The following GZF1 variants were observed in gnomAD, a reference collection of about 807,000 sequenced individuals.
GZF1 encodes the protein GDNF inducible zinc finger protein 1.
Under a neutral mutation model 49.4 loss-of-function variants are expected in GZF1, and 28 were observed. The observed-to-expected ratio is 0.57, with a 90% CI of 0.42 to 0.78. The LOEUF (loss-of-function observed/expected upper bound fraction) is 0.78. Among genes scored for constraint, GZF1 ranks in the 30% least tolerant of loss-of-function variants. GZF1 has a pLI of 0.00. For missense variants in GZF1, 798 were observed against 916.2 expected (o/e 0.87, Z 1.67); for synonymous variants, 364 against 356.0 (o/e 1.02, Z -0.25).
In GZF1 at chr20:23,370,569, T is replaced by C. The variant is rs896427683; in HGVS notation, c.*128T>C. 4 of 677,652 alleles carry C rather than the reference T, an allele frequency of 5.9e-6. No homozygotes were observed. The African/African-American group carries it at 7.3e-5, about 12-fold the overall frequency. The allele number at this position is 677,652 out of a possible 1,614,324, so 42.0% of individuals were successfully genotyped here. ...CAAGAATGGCCTCTGCAGATTTTCCTGAACTTCTGCTAACTTGCACGGCTT... is the reference window on the plus strand; with the variant it reads ...CAAGAATGGCCTCTGCAGATTTTCCCGAACTTCTGCTAACTTGCACGGCTT... On this transcript the variant is annotated 3_prime_UTR_variant, in exon 6 of 6. Transcript: ENST00000338121.
intron 3 of GZF1, 152 bp from the exon 4 acceptor site, chr20:23,368,610 T>A: frequency 2.2e-6 from 1 of 453,282 alleles, no homozygotes; most frequent in Non-Finnish European, 3.9e-6. Context: ...CTTACATGAA[T>A]ATATATTTTA....
chr20:23,369,567 C>A lies in GZF1; in HGVS notation c.1628-17C>A. 1 of 1,597,708 alleles carries A rather than the reference C, an allele frequency of 6.3e-7. No homozygotes were observed. Among genetic ancestry groups the A allele is most frequent in the Non-Finnish European group, 8.5e-7 (1 of 1,170,798 alleles). On this transcript the variant is annotated splice_polypyrimidine_tract_variant and intron_variant, in intron 4 of 5. Transcript: ENST00000338121. ...GCCAAAGGGACCCACCAGCAGTCTC[C>A]TCTCTCCCTGCCTCAGGGGAGCGTC...
intron 1 of GZF1, 43 bp from the exon 2 acceptor site, chr20:23,364,320 C>T: frequency 8.5e-7 from 1 of 1,176,052 alleles, no homozygotes; most frequent in South Asian, 1.5e-5. Context: ...AGTCCTTTTG[C>T]ATCAGTGGTT....
At position 23,370,143 on chromosome 20, in the gene GZF1, C is replaced by T. The variant is rs567808876; in HGVS notation, c.1838C>T (p.Ser613Leu). 37 of 1,614,184 alleles carry T rather than the reference C, an allele frequency of 2.3e-5. No homozygotes were observed. The highest frequency in any genetic ancestry group is 3.3e-4 in the Middle Eastern group (2 of 6,062). Residue 613 changes from serine (S) to leucine (L), a missense_variant, in exon 6 of 6, where the codon TCG (serine) becomes TTG (leucine). This residue lies in a region of GZF1 where 446 missense variants were observed against 540.1 expected (regional missense o/e 0.83). Transcript: ENST00000338121. ...WKSFLVIVDGSPKNDDGHKTE... is the reference protein window; with the variant it reads ...WKSFLVIVDGLPKNDDGHKTE... ...TCTTTCCTTGTCATTGTAGATGGCT[C>T]GCCCAAGAACGATGACGGACACAAG... is the stretch of plus-strand genomic sequence containing the variant.
rs1568584765 is a variant in GZF1, at chr20:23,365,273, CGGAGGAGGAAGA to C, written c.900_911del (p.Glu303_Glu306del). The C allele has an allele frequency of 4.4e-6, 7 of 1,606,108 alleles. No individual in the cohort carries two copies. Among genetic ancestry groups the C allele is most frequent in the Middle Eastern group, 1.7e-4 (1 of 6,028 alleles). On this transcript the variant is annotated inframe_deletion, in exon 2 of 6. Coordinates refer to ENST00000338121, the MANE Select transcript of GZF1 (RefSeq NM_022482.5). Reference sequence around the variant, plus strand: ...GAGGAATTGTCAAAGAAAGCAGGGCCGGAGGAGGAAGAGGAGGAGGAGGAGGAGGACGAAGAA... The same window carrying C: ...GAGGAATTGTCAAAGAAAGCAGGGCCGGAGGAGGAGGAGGAGGACGAAGAA...
In GZF1 at chr20:23,365,105, C is replaced by A; in HGVS notation, c.722C>A (p.Thr241Lys). Reference protein sequence around the residue: ...VFVEIPKKKYTRRLREQQKTA... With the variant: ...VFVEIPKKKYKRRLREQQKTA... Reference sequence around the variant, plus strand: ...GTGGAGATCCCTAAAAAGAAATATACGAGAAGACTCCGAGAGCAGCAGAAA... The same window carrying A: ...GTGGAGATCCCTAAAAAGAAATATAAGAGAAGACTCCGAGAGCAGCAGAAA... The change falls in exon 2 of 6, where the codon ACG (threonine) becomes AAG (lysine). Residue 241 changes from threonine to lysine, a missense_variant. Around this residue, in one of 3 missense-constraint regions of GZF1, gnomAD observed 247 missense variants for 228.5 expected, o/e 1.08. Coordinates refer to ENST00000338121, the MANE Select transcript of GZF1 (RefSeq NM_022482.5). The A allele has an allele frequency of 6.2e-7, 1 of 1,613,932 alleles. No homozygotes were observed. Among genetic ancestry groups the A allele is most frequent in the South Asian group, 1.1e-5 (1 of 91,084 alleles).
chr20:23,370,286 C>A lies in GZF1; in HGVS notation c.1981C>A (p.Gln661Lys), dbSNP rs1315164863. The change falls in exon 6 of 6, where the codon CAG (glutamine) becomes AAG (lysine). Residue 661 changes from glutamine to lysine, a missense_variant. Physicochemically the swap from Gln to Lys is moderately conservative, Grantham distance 53. Coordinates refer to ENST00000338121, the MANE Select transcript of GZF1 (RefSeq NM_022482.5). ...AGTCCAAGACACTGTACCTACCATG[C>A]AGGAGAACAGTTCTGCTGACACAGC... Reference protein sequence around the residue: ...AAVQDTVPTMQENSSADTACK... With the variant: ...AAVQDTVPTMKENSSADTACK... 1 of 1,614,046 alleles carries A rather than the reference C, an allele frequency of 6.2e-7. No individual in the cohort carries two copies. The highest frequency in any genetic ancestry group is 8.5e-7 in the Non-Finnish European group (1 of 1,180,028).
chr20:23,368,379 T>G (rs902365889), intron 3 of GZF1, among the ~76,000 whole-genome samples: 1 of 152,218 alleles, frequency 6.6e-6, no homozygotes, highest in African/African-American at 2.4e-5. Flanking sequence ...CATTGTCAAC[T>G]TCCCCTTTAT....
intron 5 of GZF1, 36 bp from the exon 6 acceptor site, chr20:23,370,055 A>G (rs749164413): frequency 6.5e-7 from 1 of 1,530,638 alleles, no homozygotes; most frequent in Non-Finnish European, 9.0e-7. Flanking sequence ...GTCCAGAGAC[A>G]CATTCAGTGA....
chr20:23,365,328 C>A lies in GZF1; in HGVS notation c.945C>A (p.Ser315Arg), dbSNP rs757676888. ...ACGAAGAAGGGGAGAAGAAGAAGAGCAACTTTAAGTGCAGCATTTGCGAGA... is the reference window on the plus strand; with the variant it reads ...ACGAAGAAGGGGAGAAGAAGAAGAGAAACTTTAAGTGCAGCATTTGCGAGA... ...EEDEEGEKKK[S>R]NFKCSICEKA... The change falls in exon 2 of 6, where the codon AGC (serine) becomes AGA (arginine). Residue 315 changes from serine (S) to arginine (R), a missense_variant. Coordinates refer to ENST00000338121, the MANE Select transcript of GZF1 (RefSeq NM_022482.5). 2 of 1,608,488 alleles carry A rather than the reference C, an allele frequency of 1.2e-6. No individual in the cohort carries two copies. The highest frequency in any genetic ancestry group is 2.7e-5 in the African/African-American group (2 of 74,716).
At chr20:23,362,339 A>T (rs1261769607) in intron 1 of GZF1, 102 bp downstream of exon 1, 3 of 152,050 alleles carry the variant, frequency 2.0e-5, no homozygotes, top group Admixed American at 2.0e-4. Context: ...CGTCTCGGGG[A>T]TGCGGGAGCG....
rs957397198 is a variant in GZF1 at position 23,369,549 on chromosome 20, G to A, written c.1628-35G>A. 1.9e-6 allele frequency: 3 copies of A among 1,571,492 alleles called. No individual in the cohort carries two copies. The African/African-American group carries it at 4.1e-5, about 21-fold the overall frequency. Reference sequence around the variant, plus strand: ...CAGAATTAAGCACAGTAGGCCAAAGGGACCCACCAGCAGTCTCCTCTCTCC... The same window carrying A: ...CAGAATTAAGCACAGTAGGCCAAAGAGACCCACCAGCAGTCTCCTCTCTCC... On this transcript the variant is annotated intron_variant, in intron 4 of 5. Coordinates refer to ENST00000338121, the MANE Select transcript of GZF1 (RefSeq NM_022482.5).
intron 1 of GZF1, among the ~76,000 whole-genome samples, chr20:23,364,055 A>T (rs1057453785): frequency 6.6e-6 from 1 of 152,216 alleles, no homozygotes; most frequent in Non-Finnish European, 1.5e-5. Context: ...AGCAAATTAG[A>T]CAGTGACCTT....
At chr20:23,370,066 C>G (rs761254663) in intron 5 of GZF1, 25 bp from the exon 6 acceptor site, 6 of 1,570,126 alleles carry the variant, frequency 3.8e-6, no homozygotes, top group Admixed American at 1.7e-5. Context: ...CATTCAGTGA[C>G]CTTTGTTTTG....
intron 5 of GZF1, 84 bp downstream of exon 5, chr20:23,369,825 G>C: frequency 7.0e-7 from 1 of 1,422,674 alleles, no homozygotes. Context: ...CATTCTCCAA[G>C]GTGGTTAGAG....
chr20:23,365,108 G>C lies in GZF1; in HGVS notation c.725G>C (p.Arg242Thr). 2 of 1,614,018 alleles carry C rather than the reference G, an allele frequency of 1.2e-6. No homozygotes were observed. Among genetic ancestry groups the C allele is most frequent in the South Asian group, 2.2e-5 (2 of 91,084 alleles). ...FVEIPKKKYT[R>T]RLREQQKTAE... ...GAGATCCCTAAAAAGAAATATACGA[G>C]AAGACTCCGAGAGCAGCAGAAAACT... The change falls in exon 2 of 6, where the codon AGA becomes ACA. Residue 242 changes from arginine to threonine, a missense_variant. Physicochemically the swap from Arg to Thr is moderately conservative, Grantham distance 71. Coordinates refer to ENST00000338121, the MANE Select transcript of GZF1 (RefSeq NM_022482.5).
rs1365544210 is a variant in GZF1, at chr20:23,365,178, C to A, written c.795C>A (p.Ser265Arg). 1 of 1,611,234 alleles carries A rather than the reference C, an allele frequency of 6.2e-7. No homozygotes were observed. Among genetic ancestry groups the A allele is most frequent in the Non-Finnish European group, 8.5e-7 (1 of 1,178,652 alleles). ...ACTACAGGTGTCCCCAGGACCAAAG[C>A]CCGGACAGGGTGGGCACGGAGATGG... ...VGDYRCPQDQ[S>R]PDRVGTEMEQ... Residue 265 changes from serine (S) to arginine (R), a missense_variant, in exon 2 of 6, where the codon AGC becomes AGA. By Grantham distance (110) the Ser-to-Arg change is moderately radical. Coordinates refer to ENST00000338121, the MANE Select transcript of GZF1 (RefSeq NM_022482.5).
Position 23,369,627 on chromosome 20 carries a change from C to A in GZF1, c.1671C>A (p.Thr557=). The change falls in exon 5 of 6, where the codon ACC becomes ACA. Residue 557 remains threonine (T), a synonymous_variant. Coordinates refer to ENST00000338121, the MANE Select transcript of GZF1 (RefSeq NM_022482.5). ...YCCDQCGKQF[T]QLNALQRHRR... is the part of the protein sequence containing the mutation. ...GTGACCAGTGCGGCAAGCAGTTCAC[C>A]CAGCTCAACGCCCTCCAGCGCCACC... 6 of 1,614,066 alleles carry A rather than the reference C, an allele frequency of 3.7e-6. No homozygotes were observed. Among genetic ancestry groups the A allele is most frequent in the Non-Finnish European group, 5.1e-6 (6 of 1,179,970 alleles).
In GZF1 at chr20:23,365,743, A is replaced by C; in HGVS notation, c.1360A>C (p.Met454Leu). 12 of 1,533,910 alleles carry C rather than the reference A, an allele frequency of 7.8e-6. No individual in the cohort carries two copies. The highest frequency in any genetic ancestry group is 1.0e-5 in the Non-Finnish European group (12 of 1,145,332). Residue 454 changes from methionine (M) to leucine (L), a missense_variant, in exon 2 of 6, where the codon ATG becomes CTG. Around this residue, in one of 3 missense-constraint regions of GZF1, gnomAD observed 446 missense variants for 540.1 expected, o/e 0.83. Transcript: ENST00000338121. ...FSQPSALKTH[M>L]RIHTGEKPFV... is the part of the protein sequence containing the mutation. ...GCAGCCGTCCGCGCTCAAGACGCAC[A>C]TGAGGTACGCGGGGAGCCGTCCGGA...
Sources: allele counts gnomAD v4.1 joint callset (sites outside exome capture counted in the v4.1 genomes callset), GRCh38; gene constraint gnomAD v4.1.1; regional missense constraint gnomAD v4.1.1; transcripts MANE v1.5; gene names NCBI Gene and HGNC (gene_info 2026-07-23, HGNC 2026-07-21).